The following SEC24D variants were observed in gnomAD, a reference collection of about 807,000 sequenced individuals.
The protein encoded by SEC24D is protein transport protein Sec24D.
In SEC24D, 69 loss-of-function variants were observed where a neutral mutation model predicts 116.9. The ratio of observed to expected loss-of-function variants is 0.59; its 90% CI spans 0.49 to 0.72. SEC24D has a LOEUF of 0.72. Ranked by LOEUF, SEC24D falls within the 30% of genes least tolerant of loss-of-function variation. SEC24D has a pLI of 0.00. For missense variants in SEC24D, 1,131 were observed against 1,264.1 expected (o/e 0.89, Z 1.60); for synonymous variants, 405 against 442.8 (o/e 0.91, Z 1.07).
intron 11 of SEC24D, among the ~76,000 whole-genome samples, chr4:118,756,598 C>CA (rs1727110505): frequency 6.6e-6 from 1 of 152,096 alleles, no homozygotes; most frequent in Non-Finnish European, 1.5e-5. Flanking sequence ...CTGAAGCCAA[C>CA]AACCCACCCT....
At chr4:118,810,415 T>G (rs1338200602) in intron 6 of SEC24D, among the ~76,000 whole-genome samples, 2 of 152,056 alleles carry the variant, frequency 1.3e-5, no homozygotes, top group Admixed American at 1.3e-4. Flanking sequence ...ATATGAGATG[T>G]GCAAGAAAGG....
chr4:118,825,314 G>GA (rs1366845255), intron 2 of SEC24D: 1 of 288,364 alleles, frequency 3.5e-6, no homozygotes, highest in Non-Finnish European at 6.8e-6. Flanking sequence ...ACAGCTGGGG[G>GA]ACTGCTCACT....
chr4:118,782,455 C>A (rs1285548820), intron 8 of SEC24D, among the ~76,000 whole-genome samples: 1 of 152,184 alleles, frequency 6.6e-6, no homozygotes, highest in African/African-American at 2.4e-5. Flanking sequence ...AATATTGCTG[C>A]CTGATCCTTC....
intron 8 of SEC24D, among the ~76,000 whole-genome samples, chr4:118,794,600 A>G (rs571618131): frequency 1.1e-4 from 17 of 152,230 alleles, no homozygotes; most frequent in Admixed American, 3.3e-4. Context: ...ATGAAAATAA[A>G]AGATCTCTTT....
intron 8 of SEC24D, among the ~76,000 whole-genome samples, chr4:118,778,905 T>A (rs560966600): frequency 5.3e-5 from 8 of 152,324 alleles, no homozygotes; most frequent in Admixed American, 5.2e-4. Flanking sequence ...TCTCTGTTTG[T>A]CTGTTATTGG....
chr4:118,824,787 G>A (rs1730531449), intron 2 of SEC24D, 38 bp from the exon 3 acceptor site: 1 of 1,524,420 alleles, frequency 6.6e-7, no homozygotes, highest in Non-Finnish European at 8.8e-7. Flanking sequence ...GTGTATTAAA[G>A]TACAAAGAGA....
chr4:118,805,631 C>T (rs1428780278), intron 7 of SEC24D, among the ~76,000 whole-genome samples: 2 of 152,102 alleles, frequency 1.3e-5, no homozygotes, highest in East Asian at 3.9e-4. Context: ...TTGCTCTGTA[C>T]CTCACTGGAA....
At chr4:118,734,415 G>A (rs563992720) in intron 19 of SEC24D, among the ~76,000 whole-genome samples, 39 of 151,926 alleles carry the variant, frequency 2.6e-4, no homozygotes, top group Non-Finnish European at 8.8e-5. Flanking sequence ...GTTTCGCCAT[G>A]TTGGCCAGGC....
At chr4:118,800,382 G>C (rs1448625235) in intron 7 of SEC24D, among the ~76,000 whole-genome samples, 1 of 152,092 alleles carries the variant, frequency 6.6e-6, no homozygotes, top group East Asian at 1.9e-4. Flanking sequence ...ATGCAGACCT[G>C]AAATGAACGG....
chr4:118,824,291 C>T (rs1196087695), intron 3 of SEC24D, among the ~76,000 whole-genome samples: 1 of 152,086 alleles, frequency 6.6e-6, no homozygotes, highest in East Asian at 1.9e-4. Flanking sequence ...GGACTACAAA[C>T]ATGCACCACC....
intron 19 of SEC24D, among the ~76,000 whole-genome samples, chr4:118,734,373 C>G (rs1205497328): frequency 6.6e-6 from 1 of 151,712 alleles, no homozygotes; most frequent in Non-Finnish European, 1.5e-5. Flanking sequence ...CCACCACACC[C>G]GGCTAACTTT....
chr4:118,762,877 C>T (rs1455592886), intron 10 of SEC24D, among the ~76,000 whole-genome samples: 1 of 152,118 alleles, frequency 6.6e-6, no homozygotes, highest in Non-Finnish European at 1.5e-5. Context: ...GATACTAAGA[C>T]TTTTGTTCCC....
chr4:118,807,777 C>T (rs2110515769), intron 6 of SEC24D, among the ~76,000 whole-genome samples: 1 of 152,258 alleles, frequency 6.6e-6, no homozygotes, highest in South Asian at 2.1e-4. Context: ...CAGGTCTTCC[C>T]TCCTAATTTC....
chr4:118,743,974 T>C lies in SEC24D; in HGVS notation c.1995+14A>G. 1 of 1,590,240 alleles carries C rather than the reference T, an allele frequency of 6.3e-7. No individual in the cohort carries two copies. The highest frequency in any genetic ancestry group is 8.6e-7 in the Non-Finnish European group (1 of 1,169,118). On this transcript the variant is annotated intron_variant, in intron 15 of 22. Transcript: ENST00000280551. Reference sequence around the variant, plus strand: ...GGAGTAGAAGACCAAGGTGAACAAATTGCTGGCATTTACCTGGAAATTGTT... The same window carrying C: ...GGAGTAGAAGACCAAGGTGAACAAACTGCTGGCATTTACCTGGAAATTGTT...
At chr4:118,816,746 G>C (rs1435794380) in intron 4 of SEC24D, 1 of 452,268 alleles carries the variant, frequency 2.2e-6, no homozygotes, top group African/African-American at 2.0e-5. Context: ...TGACTCACAG[G>C]ATATACAGCA....
chr4:118,769,004 TAAAG>T lies in SEC24D; in HGVS notation c.1042-697_1042-694del, dbSNP rs374714322. ...GCTAAGTTTCTTCATAGATTATAAA[TAAAG>T]AGAGTTGGGCCTGATTTAAAAAGTT... On this transcript the variant is annotated intron_variant, in intron 8 of 22. Transcript: ENST00000280551. Among the ~76,000 whole-genome samples, 311 of 152,304 alleles carry T rather than the reference TAAAG, an allele frequency of 2.0e-3. 1 individual carries two copies. Among genetic ancestry groups the T allele is most frequent in the African/African-American group, 6.8e-3 (284 of 41,562 alleles).
At chr4:118,800,656 T>C (rs562976326) in intron 7 of SEC24D, among the ~76,000 whole-genome samples, 1 of 152,276 alleles carries the variant, frequency 6.6e-6, no homozygotes, top group East Asian at 1.9e-4. Flanking sequence ...AGGGTGATAA[T>C]AATAACAGCA....
intron 14 of SEC24D, 26 bp downstream of exon 14, chr4:118,744,918 T>C (rs1726429979): frequency 2.4e-6 from 3 of 1,239,242 alleles, no homozygotes; most frequent in Non-Finnish European, 3.6e-6. Context: ...AATTGACATA[T>C]GGATACTCAA....
rs1731078464 is a variant in SEC24D at position 118,835,941 on chromosome 4, C to T, written c.-42G>A. ...GGCGTCCGCGGGTGGGAGGCTTTAC[C>T]TGTTCCCGCTCCCGCACCCCGCGGG... On this transcript the variant is annotated splice_region_variant and 5_prime_UTR_variant, in exon 1 of 23. Transcript: ENST00000280551. The T allele has an allele frequency of 6.6e-6, 1 of 152,296 alleles. No individual in the cohort carries two copies. Among genetic ancestry groups the T allele is most frequent in the Non-Finnish European group, 1.5e-5 (1 of 68,090 alleles). The allele number at this position is 152,296 out of a possible 1,614,324, so 9.4% of individuals were successfully genotyped here.
Sources: gnomAD v4.1 joint callset for allele counts (sites outside exome capture counted in the v4.1 genomes callset) on GRCh38, gnomAD v4.1.1 for gene constraint, MANE v1.5 for transcripts, NCBI Gene and HGNC (gene_info 2026-07-23, HGNC 2026-07-21) for gene names.